Variants in SNAP91 observed in about 807,000 individuals in gnomAD.
The protein encoded by SNAP91 is clathrin coat assembly protein AP180.
A neutral mutation model predicts 100.3 loss-of-function variants in SNAP91; 27 were observed. The ratio of observed to expected loss-of-function variants is 0.27; its 90% CI spans 0.20 to 0.37. The LOEUF (loss-of-function observed/expected upper bound fraction) is 0.37. SNAP91 is among the 10% of genes least tolerant of loss of function. The pLI is 1.00. For synonymous variants in SNAP91, 404 were observed against 398.6 expected (o/e 1.01, Z -0.16); for missense variants, 986 against 1,123.7 (o/e 0.88, Z 1.75).
At chr6:83,689,702 A>G (rs558320591) in intron 2 of SNAP91, 1 of 152,276 alleles carries the variant, frequency 6.6e-6, no homozygotes, top group Admixed American at 6.5e-5. Context: ...ACACGCATTT[A>G]GAAAAAAATT....
chr6:83,590,791 A>G (rs893578947), intron 22 of SNAP91, among the ~76,000 whole-genome samples: 4 of 152,224 alleles, frequency 2.6e-5, no homozygotes, highest in African/African-American at 9.7e-5. Flanking sequence ...TTGGCTGAAA[A>G]TAAGGCAGAT....
chr6:83,561,875 C>A (rs1405726639), intron 26 of SNAP91, among the ~76,000 whole-genome samples: 1 of 152,058 alleles, frequency 6.6e-6, no homozygotes, highest in Non-Finnish European at 1.5e-5. Context: ...TAGAAGTTAG[C>A]TGGGCCTAAT....
intron 26 of SNAP91, among the ~76,000 whole-genome samples, chr6:83,574,209 T>C (rs1388986419): frequency 6.6e-6 from 1 of 152,188 alleles, no homozygotes; most frequent in Non-Finnish European, 1.5e-5. Flanking sequence ...AAACTGCCAG[T>C]AAGTTTGGGA....
intron 16 of SNAP91, among the ~76,000 whole-genome samples, chr6:83,596,049 A>G (rs561077054): frequency 6.6e-6 from 1 of 152,296 alleles, no homozygotes; most frequent in Non-Finnish European, 1.5e-5. Flanking sequence ...CTGAGGAAAT[A>G]TATGTTCAAT....
chr6:83,620,812 C>T (rs1322957408), intron 9 of SNAP91, among the ~76,000 whole-genome samples: 4 of 151,736 alleles, frequency 2.6e-5, no homozygotes, highest in African/African-American at 4.8e-5. Flanking sequence ...CCCGGGTTCA[C>T]GCCATTCTCC....
At chr6:83,678,949 G>GAAA (rs5877861) in intron 2 of SNAP91, 20 of 848,584 alleles carry the variant, frequency 2.4e-5, no homozygotes, top group South Asian at 1.5e-4. Flanking sequence ...TAAGTGAAAT[G>GAAA]AAAAAAAAAA....
chr6:83,564,856 T>TAA (rs1794379010), intron 26 of SNAP91, among the ~76,000 whole-genome samples: 1 of 152,020 alleles, frequency 6.6e-6, no homozygotes, highest in Non-Finnish European at 1.5e-5. Context: ...CAATAGTTTT[T>TAA]AAAAATATGA....
At chr6:83,607,306 T>A (rs891460438) in intron 13 of SNAP91, among the ~76,000 whole-genome samples, 3 of 149,562 alleles carry the variant, frequency 2.0e-5, no homozygotes, top group Non-Finnish European at 4.4e-5. Context: ...ACTAGCTAAT[T>A]GGTCAAACAA....
intron 4 of SNAP91, 115 bp downstream of exon 4, chr6:83,662,232 A>AT: frequency 2.7e-6 from 1 of 364,024 alleles, no homozygotes; most frequent in South Asian, 1.1e-4. Flanking sequence ...AAATATAATT[A>AT]TTTTTACATT....
chr6:83,688,706 T>C, intron 2 of SNAP91, among the ~76,000 whole-genome samples: 1 of 152,120 alleles, frequency 6.6e-6, no homozygotes, highest in Non-Finnish European at 1.5e-5. Context: ...GGTTTCACCA[T>C]GTTGGCCAGG....
At chr6:83,707,998 G>A (rs1040531725) in intron 1 of SNAP91, 41 bp from the exon 2 acceptor site, 2 of 1,476,790 alleles carry the variant, frequency 1.4e-6, no homozygotes, top group Middle Eastern at 1.8e-4. Flanking sequence ...TTAATCCGCA[G>A]ACCCTACCCT....
intron 9 of SNAP91, among the ~76,000 whole-genome samples, chr6:83,621,270 TG>T (rs1332788916): frequency 1.3e-5 from 2 of 152,218 alleles, no homozygotes; most frequent in Non-Finnish European, 2.9e-5. Context: ...GCTCCATCCA[TG>T]TCTCTGCAAA....
intron 9 of SNAP91, among the ~76,000 whole-genome samples, chr6:83,620,743 G>C (rs562967629): frequency 6.6e-6 from 1 of 150,902 alleles, no homozygotes; most frequent in African/African-American, 2.4e-5. Context: ...TCTGAGTCTC[G>C]CTCTGTCGCC....
chr6:83,705,493 T>C (rs932243464), intron 2 of SNAP91, among the ~76,000 whole-genome samples: 1 of 152,082 alleles, frequency 6.6e-6, no homozygotes, highest in African/African-American at 2.4e-5. Context: ...GGCAGTTAAG[T>C]GTACTGGTTA....
intron 2 of SNAP91, among the ~76,000 whole-genome samples, chr6:83,668,725 T>C (rs2098731753): frequency 6.6e-6 from 1 of 152,080 alleles, no homozygotes; most frequent in Non-Finnish European, 1.5e-5. Flanking sequence ...ATGTACCTAA[T>C]GTAAGTGACG....
chr6:83,656,358 C>G (rs1278470872), intron 7 of SNAP91, among the ~76,000 whole-genome samples: 1 of 152,150 alleles, frequency 6.6e-6, no homozygotes, highest in Non-Finnish European at 1.5e-5. Flanking sequence ...ATAGGCTAAA[C>G]AGCATAGGCT....
At chr6:83,580,683 A>G (rs1826915287) in intron 23 of SNAP91, 84 bp from the exon 24 acceptor site, 7 of 1,263,270 alleles carry the variant, frequency 5.5e-6, no homozygotes, top group Non-Finnish European at 7.6e-6. Flanking sequence ...CTCTTTTGAT[A>G]CTATGGAAAC....
At chr6:83,652,635 TA>T (rs776683255) in intron 7 of SNAP91, among the ~76,000 whole-genome samples, 13 of 152,156 alleles carry the variant, frequency 8.5e-5, no homozygotes, top group Non-Finnish European at 1.8e-4. Flanking sequence ...TCAGATCAAC[TA>T]AGAATCAGGG....
intron 9 of SNAP91, among the ~76,000 whole-genome samples, chr6:83,620,068 T>C (rs372424233): frequency 6.6e-6 from 1 of 152,184 alleles, no homozygotes; most frequent in Non-Finnish European, 1.5e-5. Flanking sequence ...GTAATAATTA[T>C]GATATTATGT....
Sources: allele counts gnomAD v4.1 joint callset (sites outside exome capture counted in the v4.1 genomes callset), GRCh38; gene constraint gnomAD v4.1.1; transcripts MANE v1.5; gene names NCBI Gene and HGNC (gene_info 2026-07-23, HGNC 2026-07-21).